The following EPB41L4B variants were observed in gnomAD, a reference collection of about 807,000 sequenced individuals.
EPB41L4B encodes band 4.1-like protein 4B.
EPB41L4B carries 30 observed loss-of-function variants against 112.5 expected under a neutral mutation model. That is an observed-to-expected ratio of 0.27 (90% confidence interval 0.20 to 0.36). The LOEUF is 0.36. Ranked by LOEUF, EPB41L4B falls within the 10% of genes least tolerant of loss-of-function variation. EPB41L4B has a pLI of 1.00. For synonymous variants in EPB41L4B, 408 were observed against 439.7 expected, an observed-to-expected ratio of 0.93 and a Z score of 0.90; for missense variants, 1,024 against 1,133.3, an observed-to-expected ratio of 0.90 and a Z score of 1.38.
chr9:109,262,452 G>GTGTGTGTGTGTGTGTGTGTGGGTGT (rs34849317), intron 6 of EPB41L4B, among the ~76,000 whole-genome samples: 1 of 149,556 alleles, frequency 6.7e-6, no homozygotes, highest in Non-Finnish European at 1.5e-5. Context: ...TGTGTGTGGG[G>GTGTGTGTGTGTGTGTGTGTGGGTGT]GTGTGTGTGT....
intron 4 of EPB41L4B, among the ~76,000 whole-genome samples, chr9:109,266,027 T>C (rs1835389799): frequency 6.6e-6 from 1 of 152,252 alleles, no homozygotes; most frequent in Non-Finnish European, 1.5e-5. Flanking sequence ...AGAATGTTCC[T>C]GCTTCCTGAC....
chr9:109,304,024 G>A (rs1837078979), intron 1 of EPB41L4B, among the ~76,000 whole-genome samples: 1 of 152,150 alleles, frequency 6.6e-6, no homozygotes, highest in Non-Finnish European at 1.5e-5. Flanking sequence ...ATGGATGCCG[G>A]AACCAGACTC....
intron 1 of EPB41L4B, among the ~76,000 whole-genome samples, chr9:109,294,562 T>A (rs145040464): frequency 7.4e-4 from 113 of 152,112 alleles, no homozygotes; most frequent in African/African-American, 2.6e-3. Context: ...AGGTTGAAGT[T>A]GCAGTGAGCC....
intron 1 of EPB41L4B, among the ~76,000 whole-genome samples, chr9:109,304,845 A>G (rs1392022526): frequency 6.6e-6 from 1 of 152,184 alleles, no homozygotes; most frequent in Non-Finnish European, 1.5e-5. Context: ...GCAAATCCAG[A>G]GAGACAGAAG....
Position 109,248,396 on chromosome 9 carries a change from C to T in EPB41L4B, c.1311-607G>A, listed in dbSNP as rs948728528. Among the ~76,000 whole-genome samples, 9 of 152,330 alleles carry T rather than the reference C, an allele frequency of 5.9e-5. No individual in the cohort carries two copies. In the East Asian group the frequency reaches 1.7e-3, roughly 29 times the overall value. On this transcript the variant is annotated intron_variant, in intron 13 of 25. Coordinates refer to ENST00000374566, the MANE Select transcript of EPB41L4B (RefSeq NM_019114.5). ...CCACACGACAAGGCTATGAGGTCAA[C>T]AAATGTGACCACCTCGTTTTACAGA...
chr9:109,229,551 A>G (rs1833887271), intron 15 of EPB41L4B, among the ~76,000 whole-genome samples: 1 of 152,158 alleles, frequency 6.6e-6, no homozygotes, highest in Admixed American at 6.5e-5. Context: ...TGGCGGCGGG[A>G]TCAGTGTATA....
chr9:109,181,428 A>G, intron 24 of EPB41L4B, among the ~76,000 whole-genome samples: 1 of 152,146 alleles, frequency 6.6e-6, no homozygotes, highest in East Asian at 1.9e-4. Flanking sequence ...AACAATCATA[A>G]CTGACAGGTG....
At chr9:109,270,239 GA>G (rs1196323340) in intron 2 of EPB41L4B, among the ~76,000 whole-genome samples, 1 of 150,844 alleles carries the variant, frequency 6.6e-6, no homozygotes, top group African/African-American at 2.4e-5. Context: ...TGTTACATGA[GA>G]AAAAAAAATC....
At chr9:109,211,483 T>C (rs1487596820) in intron 17 of EPB41L4B, among the ~76,000 whole-genome samples, 1 of 150,146 alleles carries the variant, frequency 6.7e-6, no homozygotes, top group Non-Finnish European at 1.5e-5. Context: ...TAATCTCAGC[T>C]ACTTGGGAGG....
intron 20 of EPB41L4B, among the ~76,000 whole-genome samples, 174 bp downstream of exon 20, chr9:109,200,062 A>G (rs1182197176): frequency 6.6e-6 from 1 of 152,214 alleles, no homozygotes; most frequent in Non-Finnish European, 1.5e-5. Context: ...TCCTTATGCT[A>G]ACTATGTAAG....
chr9:109,187,429 A>G (rs528784514), intron 22 of EPB41L4B, among the ~76,000 whole-genome samples: 1 of 139,660 alleles, frequency 7.2e-6, no homozygotes, highest in Non-Finnish European at 1.6e-5. Context: ...GTCTTAGTCC[A>G]TGGTTCATTT....
chr9:109,227,629 T>C (rs1042282906), intron 15 of EPB41L4B, among the ~76,000 whole-genome samples: 3 of 152,026 alleles, frequency 2.0e-5, no homozygotes, highest in Non-Finnish European at 2.9e-5. Context: ...GTCATCAGGC[T>C]GGGGTGCAGT....
intron 13 of EPB41L4B, 122 bp downstream of exon 13, chr9:109,251,358 AG>A: frequency 4.4e-6 from 4 of 910,636 alleles, no homozygotes; most frequent in Non-Finnish European, 7.2e-6. Flanking sequence ...CAGCAGAAAA[AG>A]GGGAAAAAAA....
At chr9:109,248,814 C>G (rs1253508816) in intron 13 of EPB41L4B, among the ~76,000 whole-genome samples, 1 of 151,752 alleles carries the variant, frequency 6.6e-6, no homozygotes, top group Non-Finnish European at 1.5e-5. Context: ...AATCCCAGCA[C>G]TTTGGGAGGC....
At position 109,253,471 on chromosome 9, in the gene EPB41L4B, A is replaced by G; in HGVS notation, c.1249T>C (p.Tyr417His). The change falls in exon 12 of 26, where the codon TAT (tyrosine) becomes CAT (histidine). Residue 417 changes from tyrosine to histidine, a missense_variant. Coordinates refer to ENST00000374566, the MANE Select transcript of EPB41L4B (RefSeq NM_019114.5). ...STFERKPSKR[Y>H]PSRRHSTFKA... The stretch of plus-strand genomic sequence containing the variant: ...AACGTTGAATGTCTCCGGGATGGAT[A>G]ACGTTTACTAGGCTTCCTCTCAAAG... 1.2e-6 allele frequency: 2 copies of G among 1,613,818 alleles called. No individual in the cohort carries two copies. The highest frequency in any genetic ancestry group is 1.7e-6 in the Non-Finnish European group (2 of 1,179,694).
intron 18 of EPB41L4B, among the ~76,000 whole-genome samples, chr9:109,207,450 T>C (rs1200766151): frequency 1.3e-5 from 2 of 152,134 alleles, no homozygotes; most frequent in Non-Finnish European, 2.9e-5. Context: ...TGCATGCCTG[T>C]AGTCCCAGCT....
At position 109,208,040 on chromosome 9, in the gene EPB41L4B, T is replaced by C. The variant is rs779725236; in HGVS notation, c.1762A>G (p.Lys588Glu). 44 of 1,614,054 alleles carry C rather than the reference T, an allele frequency of 2.7e-5. No individual in the cohort carries two copies. The highest frequency in any genetic ancestry group is 3.3e-5 in the Non-Finnish European group (39 of 1,180,038). ...LHININKAEE[K>E]KVSEKTLQTP... ...TGAAGAGTTTTCTCCGAGACTTTCT[T>C]TTCTTCAGCCTGAGACAAACCAAAA... The change falls in exon 18 of 26, where the codon AAG becomes GAG. Residue 588 changes from lysine (K) to glutamate (E), a missense_variant. By Grantham distance (56) the Lys-to-Glu change is moderately conservative. Coordinates refer to ENST00000374566, the MANE Select transcript of EPB41L4B (RefSeq NM_019114.5).
Position 109,256,185 on chromosome 9 carries a change from T to C in EPB41L4B, c.880A>G (p.Thr294Ala). 1 of 1,614,216 alleles carries C rather than the reference T, an allele frequency of 6.2e-7. No homozygotes were observed. Among genetic ancestry groups the C allele is most frequent in the Non-Finnish European group, 8.5e-7 (1 of 1,180,020 alleles). ...GCTCCTTCAAAGATTAATATGCCTG[T>C]CGGGGTCAGTCCAAGAGAATATTCA... ...GCEYSLGLTP[T>A]GILIFEGANK... The change falls in exon 9 of 26, where the codon ACA (threonine) becomes GCA (alanine). Residue 294 changes from threonine (T) to alanine (A), a missense_variant. Thr to Ala is a moderately conservative substitution (Grantham distance 58). Transcript: ENST00000374566.
rs372414138 is a variant in EPB41L4B, at chr9:109,251,440, T to C, written c.1310+41A>G. The stretch of plus-strand genomic sequence containing the variant: ...TCAACATTGCAAATAAATACGATCC[T>C]TAGAGAGGAGAGCTGTGCTCTAGAG... On this transcript the variant is annotated intron_variant, in intron 13 of 25. Coordinates refer to ENST00000374566, the MANE Select transcript of EPB41L4B (RefSeq NM_019114.5). The C allele has an allele frequency of 3.1e-6, 5 of 1,588,996 alleles. No individual in the cohort carries two copies. The Admixed American group carries it at 8.3e-5, about 26-fold the overall frequency.
Sources: allele counts gnomAD v4.1 joint callset (sites outside exome capture counted in the v4.1 genomes callset), GRCh38; gene constraint gnomAD v4.1.1; transcripts MANE v1.5; gene names NCBI Gene and HGNC (gene_info 2026-07-23, HGNC 2026-07-21).